Variants in CAND2 observed in about 807,000 individuals in gnomAD.
The protein encoded by CAND2 is cullin associated and neddylation dissociated 2 (putative).
Under a neutral mutation model 98.9 loss-of-function variants are expected in CAND2, and 62 were observed. That is an observed-to-expected ratio of 0.63 (90% CI 0.51 to 0.77). The LOEUF is 0.77. Among genes scored for constraint, CAND2 ranks in the 30% least tolerant of loss-of-function variants. CAND2 has a pLI of 0.00. For synonymous variants in CAND2, 770 were observed against 731.9 expected (o/e 1.05, Z -0.84); for missense variants, 1,501 against 1,655.2 (o/e 0.91, Z 1.62).
Position 12,834,776 on chromosome 3 carries a change from A to C in CAND2, c.*794A>C, listed in dbSNP as rs1017791891. ...GCCCAAGTATTTTCTGTGATATCCC[A>C]GGTTAATAAAGATTAGATTCTAAGT... On this transcript the variant is annotated 3_prime_UTR_variant, in exon 15 of 15. Transcript: ENST00000456430. The C allele has an allele frequency of 1.2e-4, 18 of 152,214 alleles. No individual in the cohort carries two copies. The highest frequency in any genetic ancestry group is 3.9e-4 in the African/African-American group (16 of 41,448). The allele number at this position is 152,214 out of a possible 1,614,324, so 9.4% of individuals were successfully genotyped here.
intron 2 of CAND2, among the ~76,000 whole-genome samples, chr3:12,805,271 G>C (rs2061797798): frequency 6.7e-6 from 1 of 148,836 alleles, no homozygotes; most frequent in Non-Finnish European, 1.5e-5. Flanking sequence ...TTAGTGGCAA[G>C]ATTTTCTTTT....
At chr3:12,799,362 T>C (rs1219831831) in intron 1 of CAND2, among the ~76,000 whole-genome samples, 1 of 152,204 alleles carries the variant, frequency 6.6e-6, no homozygotes, top group Non-Finnish European at 1.5e-5. Context: ...ATGGCAAGAC[T>C]AGTAAGTATA....
At chr3:12,812,009 T>C (rs965550848) in intron 5 of CAND2, among the ~76,000 whole-genome samples, 1 of 151,816 alleles carries the variant, frequency 6.6e-6, no homozygotes, top group African/African-American at 2.4e-5. Flanking sequence ...CCTCCCAGGT[T>C]CAAGCAATTC....
intron 2 of CAND2, among the ~76,000 whole-genome samples, chr3:12,804,419 C>T (rs1328253018): frequency 2.0e-5 from 3 of 152,036 alleles, no homozygotes; most frequent in East Asian, 3.8e-4. Context: ...GCCAAGATTG[C>T]GCCATTGCAC....
In CAND2 at chr3:12,834,100, C is replaced by T; in HGVS notation, c.*118C>T. 5 of 790,736 alleles carry T rather than the reference C, an allele frequency of 6.3e-6. No individual in the cohort carries two copies. The highest frequency in any genetic ancestry group is 6.1e-6 in the Non-Finnish European group (3 of 488,200). The allele number at this position is 790,736 out of a possible 1,614,324, so 49.0% of individuals were successfully genotyped here. On this transcript the variant is annotated 3_prime_UTR_variant, in exon 15 of 15. Transcript: ENST00000456430. ...TGCCCTTCCACCATCTCACTGGGGG[C>T]CCTGTCGCTCCTGGTCAGGGCTTAC...
rs567500404 is a variant in CAND2, at chr3:12,814,348, G to A, written c.1007-793G>A. On this transcript the variant is annotated intron_variant, in intron 7 of 14. Transcript: ENST00000456430. ...TCCACAGGTGATAGGGCTGGGCCTC[G>A]TGGACCTGAATCTCAGCTCTGCTGT... 1.1e-4 allele frequency among the ~76,000 whole-genome samples: 17 copies of A among 152,298 alleles called. No homozygotes were observed. In the South Asian group the frequency reaches 2.5e-3, roughly 22 times the overall value.
chr3:12,802,337 A>C (rs2061772520), intron 1 of CAND2, among the ~76,000 whole-genome samples: 1 of 152,188 alleles, frequency 6.6e-6, no homozygotes, highest in African/African-American at 2.4e-5. Flanking sequence ...AAAAAACAAA[A>C]CAAAACAAAA....
In CAND2 at chr3:12,816,686, A is replaced by G. The variant is rs777291094; in HGVS notation, c.1754A>G (p.Gln585Arg). The change falls in exon 10 of 15, where the codon CAG becomes CGG. Residue 585 changes from glutamine to arginine, a missense_variant. By Grantham distance (43) the Gln-to-Arg change is conservative. Coordinates refer to ENST00000456430, the MANE Select transcript of CAND2 (RefSeq NM_001162499.2). ...CGACTTCGTGCCACTGACCTGGACC[A>G]GGAGGTGAAGGAGCGGGCCATTTCC... ...LARLRATDLD[Q>R]EVKERAISCM... 12 of 1,613,588 alleles carry G rather than the reference A, an allele frequency of 7.4e-6. No homozygotes were observed. The African/African-American group carries it at 8.0e-5, about 11-fold the overall frequency.
rs1334317048 is a variant in CAND2 at position 12,817,421 on chromosome 3, C to T, written c.2489C>T (p.Ala830Val). The T allele has an allele frequency of 6.2e-7, 1 of 1,613,682 alleles. No individual in the cohort carries two copies. Among genetic ancestry groups the T allele is most frequent in the East Asian group, 2.2e-5 (1 of 44,886 alleles). Reference sequence around the variant, plus strand: ...ACAGCCAGTCGCCTGGTCTGCGATGCCAGGTCGCCCCACTCCAGCACGGGG... The same window carrying T: ...ACAGCCAGTCGCCTGGTCTGCGATGTCAGGTCGCCCCACTCCAGCACGGGG... ...ASTASRLVCD[A>V]RSPHSSTGVK... The change falls in exon 10 of 15, where the codon GCC becomes GTC. Residue 830 changes from alanine (A) to valine (V), a missense_variant. Transcript: ENST00000456430.
rs545399781 is a variant in CAND2, at chr3:12,807,703, G to A, written c.367+243G>A. On this transcript the variant is annotated intron_variant, in intron 3 of 14. Coordinates refer to ENST00000456430, the MANE Select transcript of CAND2 (RefSeq NM_001162499.2). ...ACTAACGGCAGTTTAAAGAAATCAG[G>A]GGTGGTTTTTCCTCACATGGCAATC... is the stretch of plus-strand genomic sequence containing the variant. Among the ~76,000 whole-genome samples, 9 of 152,278 alleles carry A rather than the reference G, an allele frequency of 5.9e-5. No homozygotes were observed. The South Asian group carries it at 1.9e-3, about 32-fold the overall frequency.
chr3:12,808,038 T>C (rs1425654368), intron 3 of CAND2, among the ~76,000 whole-genome samples, 172 bp from the exon 4 acceptor site: 1 of 152,224 alleles, frequency 6.6e-6, no homozygotes, highest in African/African-American at 2.4e-5. Flanking sequence ...CTCCCCTAGC[T>C]GTCTCCTTGA....
At position 12,817,138 on chromosome 3, in the gene CAND2, G is replaced by C; in HGVS notation, c.2206G>C (p.Val736Leu). The C allele has an allele frequency of 6.2e-7, 1 of 1,613,130 alleles. No homozygotes were observed. Among genetic ancestry groups the C allele is most frequent in the Non-Finnish European group, 8.5e-7 (1 of 1,179,994 alleles). The change falls in exon 10 of 15, where the codon GTG (valine) becomes CTG (leucine). Residue 736 changes from valine (V) to leucine (L), a missense_variant. By Grantham distance (32) the Val-to-Leu change is conservative. This residue lies in a region of CAND2 where 1,427 missense variants were observed against 1,545.3 expected (regional missense o/e 0.92). Transcript: ENST00000456430. ...PASLVEVSGPVLSELLRLLRS... is the reference protein window; with the variant it reads ...PASLVEVSGPLLSELLRLLRS... Reference sequence around the variant, plus strand: ...CTCTTTGGTGGAGGTCAGTGGCCCTGTGCTCTCAGAGCTGCTGCGGCTGCT... The same window carrying C: ...CTCTTTGGTGGAGGTCAGTGGCCCTCTGCTCTCAGAGCTGCTGCGGCTGCT...
At chr3:12,814,714 AT>A (rs1213264697) in intron 7 of CAND2, among the ~76,000 whole-genome samples, 1 of 152,044 alleles carries the variant, frequency 6.6e-6, no homozygotes, top group Non-Finnish European at 1.5e-5. Context: ...CCCCAAATTG[AT>A]TCTCCAAGTC....
At position 12,834,107 on chromosome 3, in the gene CAND2, G is replaced by A. The variant is rs1345845373; in HGVS notation, c.*125G>A. ...CCACCATCTCACTGGGGGCCCTGTC[G>A]CTCCTGGTCAGGGCTTACAGTGCCT... On this transcript the variant is annotated 3_prime_UTR_variant, in exon 15 of 15. Coordinates refer to ENST00000456430, the MANE Select transcript of CAND2 (RefSeq NM_001162499.2). The A allele has an allele frequency of 6.6e-6, 5 of 763,214 alleles. No individual in the cohort carries two copies. Among genetic ancestry groups the A allele is most frequent in the Admixed American group, 2.5e-5 (1 of 40,724 alleles). The allele number at this position is 763,214 out of a possible 1,614,324, so 47.3% of individuals were successfully genotyped here.
chr3:12,810,291 G>A lies in CAND2; in HGVS notation c.724G>A (p.Gly242Ser). 1 of 1,472,118 alleles carries A rather than the reference G, an allele frequency of 6.8e-7. No individual in the cohort carries two copies. Among genetic ancestry groups the A allele is most frequent in the African/African-American group, 1.5e-5 (1 of 68,278 alleles). The allele number at this position is 1,472,118 out of a possible 1,614,324, so 91.2% of individuals were successfully genotyped here. The change falls in exon 5 of 15, where the codon GGC (glycine) becomes AGC (serine). Residue 242 changes from glycine (G) to serine (S), a missense_variant. Around this residue, in one of 3 missense-constraint regions of CAND2, gnomAD observed 1,427 missense variants for 1,545.3 expected, o/e 0.92. Coordinates refer to ENST00000456430, the MANE Select transcript of CAND2 (RefSeq NM_001162499.2). ...TAIRTLIQCL[G>S]SVGRQAGHRL... ...CATCCGCACCCTGATCCAATGTTTGGGCAGCGTCGGCCGCCAGGCCGGCCA... is the reference window on the plus strand; with the variant it reads ...CATCCGCACCCTGATCCAATGTTTGAGCAGCGTCGGCCGCCAGGCCGGCCA...
intron 12 of CAND2, among the ~76,000 whole-genome samples, chr3:12,827,076 C>G (rs1362136396): frequency 6.6e-6 from 1 of 152,142 alleles, no homozygotes; most frequent in Non-Finnish European, 1.5e-5. Context: ...CATGATCCGC[C>G]CGCCTTGGCC....
At chr3:12,813,466 C>T (rs369959616) in intron 7 of CAND2, 78 bp downstream of exon 7, 32 of 1,487,172 alleles carry the variant, frequency 2.2e-5, no homozygotes, top group South Asian at 9.1e-5. Flanking sequence ...CCAAAGACAG[C>T]GGTCACATTT....
chr3:12,819,134 C>G (rs973262014), intron 10 of CAND2, among the ~76,000 whole-genome samples: 2 of 152,194 alleles, frequency 1.3e-5, no homozygotes, highest in Non-Finnish European at 2.9e-5. Flanking sequence ...TGGCCTTGTT[C>G]TTGTTTTCAG....
rs2061839200 is a variant in CAND2 at position 12,810,136 on chromosome 3, C to T, written c.569C>T (p.Ala190Val). ...LLPQLSSPRL[A>V]VRKRAVGALG... ...CCACAGCTGAGCAGCCCGCGCCTGG[C>T]GGTGCGCAAGCGGGCGGTCGGAGCG... is the stretch of plus-strand genomic sequence containing the variant. Residue 190 changes from alanine (A) to valine (V), a missense_variant, in exon 5 of 15, where the codon GCG becomes GTG. Physicochemically the swap from Ala to Val is moderately conservative, Grantham distance 64. Coordinates refer to ENST00000456430, the MANE Select transcript of CAND2 (RefSeq NM_001162499.2). The T allele has an allele frequency of 6.6e-7, 1 of 1,522,274 alleles. No homozygotes were observed. The highest frequency in any genetic ancestry group is 8.8e-7 in the Non-Finnish European group (1 of 1,140,372). The allele number at this position is 1,522,274 out of a possible 1,614,324, so 94.3% of individuals were successfully genotyped here.
Sources: gnomAD v4.1 joint callset for allele counts (sites outside exome capture counted in the v4.1 genomes callset) on GRCh38, gnomAD v4.1.1 for gene constraint, gnomAD v4.1.1 regional missense constraint, MANE v1.5 for transcripts, NCBI Gene and HGNC (gene_info 2026-07-23, HGNC 2026-07-21) for gene names.